Variants in POC1A observed in about 807,000 individuals in gnomAD.
The protein encoded by POC1A is POC1 centriolar protein A.
Under a neutral mutation model 47.8 loss-of-function variants are expected in POC1A, and 34 were observed. That is an observed-to-expected ratio of 0.71 (90% CI 0.54 to 0.95). The LOEUF is 0.95. Among genes scored for constraint, POC1A ranks in the 40% least tolerant of loss-of-function variants. POC1A has a pLI of 0.00. For synonymous variants in POC1A, 177 were observed against 207.6 expected (o/e 0.85, Z 1.27); for missense variants, 466 against 528.3 (o/e 0.88, Z 1.16).
intron 6 of POC1A, among the ~76,000 whole-genome samples, chr3:52,143,725 C>T (rs1298072023): frequency 2.0e-5 from 3 of 152,198 alleles, no homozygotes; most frequent in Non-Finnish European, 4.4e-5. Flanking sequence ...TGGACACCTA[C>T]CCATCACTGG....
At chr3:52,100,502 C>T (rs942977787) in intron 9 of POC1A, among the ~76,000 whole-genome samples, 1 of 152,172 alleles carries the variant, frequency 6.6e-6, no homozygotes, top group Non-Finnish European at 1.5e-5. Context: ...AACCAGTAGC[C>T]TGAAATCTAA....
chr3:52,149,147 C>A (rs753163453), intron 4 of POC1A, 63 bp downstream of exon 4: 112 of 1,457,330 alleles, frequency 7.7e-5, no homozygotes, highest in Admixed American at 1.9e-4. Context: ...TACCTAGCAG[C>A]CCCTGGGCCA....
chr3:52,142,494 T>A (rs1698230203), intron 6 of POC1A, among the ~76,000 whole-genome samples: 1 of 152,152 alleles, frequency 6.6e-6, no homozygotes. Flanking sequence ...CCAACAACCC[T>A]AGCAGGAACA....
chr3:52,108,983 G>C (rs964307892), intron 9 of POC1A, among the ~76,000 whole-genome samples: 1 of 152,158 alleles, frequency 6.6e-6, no homozygotes, highest in Admixed American at 6.5e-5. Flanking sequence ...GGAGCTCACA[G>C]TACCAAACTC....
At chr3:52,121,356 A>G (rs564478395) in intron 9 of POC1A, among the ~76,000 whole-genome samples, 1 of 152,340 alleles carries the variant, frequency 6.6e-6, no homozygotes, top group Admixed American at 6.5e-5. Flanking sequence ...AACAAACCCA[A>G]AAGCTGAAAA....
At position 52,075,679 on chromosome 3, in the gene POC1A, G is replaced by C. The variant is rs1559803054; in HGVS notation, c.*208C>G. On this transcript the variant is annotated 3_prime_UTR_variant, in exon 11 of 11. Coordinates refer to ENST00000296484, the MANE Select transcript of POC1A (RefSeq NM_015426.5). Reference sequence around the variant, plus strand: ...GGTCTGAAGCATCATTTGTGTGTGAGCCCGGCCCACTGGGGACCTCTGGCT... The same window carrying C: ...GGTCTGAAGCATCATTTGTGTGTGACCCCGGCCCACTGGGGACCTCTGGCT... 1 of 501,418 alleles carries C rather than the reference G, an allele frequency of 2.0e-6. No individual in the cohort carries two copies. Among genetic ancestry groups the C allele is most frequent in the African/African-American group, 1.9e-5 (1 of 51,964 alleles). 31.1% of individuals were successfully genotyped at this position (501,418 alleles called of 1,614,324 possible).
At chr3:52,106,378 C>A (rs571200476) in intron 9 of POC1A, among the ~76,000 whole-genome samples, 1 of 152,162 alleles carries the variant, frequency 6.6e-6, no homozygotes, top group Non-Finnish European at 1.5e-5. Context: ...TGTGAAGGGG[C>A]CAGGTGTGAT....
At chr3:52,086,226 A>C (rs1702453212) in intron 10 of POC1A, among the ~76,000 whole-genome samples, 1 of 152,180 alleles carries the variant, frequency 6.6e-6, no homozygotes, top group South Asian at 2.1e-4. Context: ...GAGAGGGCGC[A>C]GTCACCCGGC....
chr3:52,096,008 G>C (rs1043259473), intron 10 of POC1A, among the ~76,000 whole-genome samples: 2 of 152,376 alleles, frequency 1.3e-5, no homozygotes, highest in Middle Eastern at 6.8e-3. Flanking sequence ...AGCTACCTAG[G>C]GCCAGGCATG....
chr3:52,094,746 G>C (rs929820117), intron 10 of POC1A, among the ~76,000 whole-genome samples: 1 of 152,228 alleles, frequency 6.6e-6, no homozygotes, highest in Non-Finnish European at 1.5e-5. Flanking sequence ...GCAGGTGACT[G>C]GCTGATATTG....
At chr3:52,076,807 C>A (rs1414427374) in intron 10 of POC1A, among the ~76,000 whole-genome samples, 1 of 152,252 alleles carries the variant, frequency 6.6e-6, no homozygotes, top group Non-Finnish European at 1.5e-5. Flanking sequence ...TCTTACACAC[C>A]CAGCACAATG....
intron 9 of POC1A, among the ~76,000 whole-genome samples, chr3:52,098,784 G>A (rs983778088): frequency 2.0e-4 from 31 of 152,156 alleles, no homozygotes; most frequent in African/African-American, 7.2e-4. Context: ...AATCGCCATG[G>A]TTTACTTGCC....
intron 9 of POC1A, among the ~76,000 whole-genome samples, chr3:52,106,653 C>T (rs1033852286): frequency 5.8e-4 from 88 of 152,162 alleles, no homozygotes; most frequent in African/African-American, 2.1e-3. Context: ...TCTCCCCGTC[C>T]CCTCTCAGAA....
At chr3:52,117,026 A>G (rs148714315) in intron 9 of POC1A, among the ~76,000 whole-genome samples, 14 of 152,212 alleles carry the variant, frequency 9.2e-5, no homozygotes, top group South Asian at 2.1e-4. Flanking sequence ...CATCTCTACT[A>G]AAAATACAAA....
intron 6 of POC1A, among the ~76,000 whole-genome samples, chr3:52,140,000 G>A (rs1698134619): frequency 6.6e-6 from 1 of 152,134 alleles, no homozygotes. Flanking sequence ...AAATAACCAT[G>A]ACCCTGCCAA....
At chr3:52,138,423 G>A (rs1698060892) in intron 6 of POC1A, 121 bp from the exon 7 acceptor site, 3 of 1,009,652 alleles carry the variant, frequency 3.0e-6, no homozygotes, top group Non-Finnish European at 4.4e-6. Flanking sequence ...GGGTCAGGAT[G>A]GTCATTGCTC....
intron 6 of POC1A, among the ~76,000 whole-genome samples, chr3:52,144,258 C>T (rs1698294298): frequency 6.6e-6 from 1 of 152,214 alleles, no homozygotes; most frequent in South Asian, 2.1e-4. Flanking sequence ...GTGCCCCATC[C>T]CCAAGCCCCA....
chr3:52,107,827 A>G (rs1354439126), intron 9 of POC1A, among the ~76,000 whole-genome samples: 1 of 152,246 alleles, frequency 6.6e-6, no homozygotes, highest in African/African-American at 2.4e-5. Context: ...ACCATAGGAC[A>G]ATGATCAGAC....
In POC1A at chr3:52,154,370, CATGGCGGGGCT is replaced by C. The variant is rs1373405484; in HGVS notation, c.-9_2del. On this transcript the variant is annotated start_lost and 5_prime_UTR_variant, in exon 1 of 11. Coordinates refer to ENST00000296484, the MANE Select transcript of POC1A (RefSeq NM_015426.5). ...CTGGGCTTACCGCGCAGGGCGCAGC[CATGGCGGGGCT>C]GGCGGCGCCGAAGGCAGCTGCGGTG... 1 of 1,504,946 alleles carries C rather than the reference CATGGCGGGGCT, an allele frequency of 6.6e-7. No homozygotes were observed. The highest frequency in any genetic ancestry group is 1.5e-5 in the African/African-American group (1 of 67,994). The allele number at this position is 1,504,946 out of a possible 1,614,324, so 93.2% of individuals were successfully genotyped here.
Sources: gnomAD v4.1 joint callset for allele counts (sites outside exome capture counted in the v4.1 genomes callset) on GRCh38, gnomAD v4.1.1 for gene constraint, MANE v1.5 for transcripts, NCBI Gene and HGNC (gene_info 2026-07-23, HGNC 2026-07-21) for gene names.